Variants in CNTNAP4 observed in about 807,000 individuals in gnomAD.
CNTNAP4 encodes contactin associated protein family member 4, also known as contactin-associated protein-like 4.
In CNTNAP4, 98 loss-of-function variants were observed where a neutral mutation model predicts 148.4. That is an observed-to-expected ratio of 0.66 (90% CI 0.56 to 0.78). CNTNAP4 has a LOEUF of 0.78. Ranked by LOEUF, CNTNAP4 falls within the 30% of genes least tolerant of loss-of-function variation. The pLI is 0.00. For missense variants in CNTNAP4, 1,935 were observed against 1,565.6 expected (o/e 1.24, Z -3.98); for synonymous variants, 730 against 565.1 (o/e 1.29, Z -4.14).
chr16:76,532,948 A>C (rs1215267546), intron 17 of CNTNAP4, among the ~76,000 whole-genome samples: 1 of 152,140 alleles, frequency 6.6e-6, no homozygotes, highest in African/African-American at 2.4e-5. Context: ...AAAAACTACA[A>C]ATAGAACTAC....
intron 3 of CNTNAP4, among the ~76,000 whole-genome samples, chr16:76,366,752 A>G (rs1461636233): frequency 6.6e-6 from 1 of 152,208 alleles, no homozygotes; most frequent in African/African-American, 2.4e-5. Flanking sequence ...AACAGTGTAT[A>G]AGTAATCCAA....
intron 3 of CNTNAP4, among the ~76,000 whole-genome samples, chr16:76,416,666 G>A (rs567087258): frequency 6.6e-6 from 1 of 151,500 alleles, no homozygotes; most frequent in East Asian, 1.9e-4. Context: ...ATAATACATG[G>A]TGAATGTTCC....
chr16:76,432,859 T>C (rs1480932883), intron 4 of CNTNAP4, among the ~76,000 whole-genome samples: 1 of 152,170 alleles, frequency 6.6e-6, no homozygotes, highest in East Asian at 1.9e-4. Context: ...CAAGCCATAC[T>C]CAACTAATTT....
intron 3 of CNTNAP4, among the ~76,000 whole-genome samples, chr16:76,363,410 C>T (rs1334908643): frequency 1.3e-5 from 2 of 152,054 alleles, no homozygotes; most frequent in African/African-American, 4.8e-5. Flanking sequence ...AATCCACCCA[C>T]CTTGGCCTCC....
At chr16:76,285,196 G>T (rs1475893885) in intron 1 of CNTNAP4, among the ~76,000 whole-genome samples, 1 of 151,882 alleles carries the variant, frequency 6.6e-6, no homozygotes, top group African/African-American at 2.4e-5. Context: ...TTTCATTATG[G>T]TTCATGGAAA....
intron 7 of CNTNAP4, among the ~76,000 whole-genome samples, chr16:76,451,238 T>G (rs931311503): frequency 5.3e-5 from 8 of 152,222 alleles, no homozygotes; most frequent in African/African-American, 1.7e-4. Context: ...TGCTGGTGTT[T>G]TAATTCTAAC....
intron 3 of CNTNAP4, among the ~76,000 whole-genome samples, chr16:76,359,938 G>A (rs1017513330): frequency 6.6e-6 from 1 of 152,144 alleles, no homozygotes; most frequent in Non-Finnish European, 1.5e-5. Context: ...GAACTTTACA[G>A]GCAAATTCTC....
chr16:76,538,201 C>T lies in CNTNAP4; in HGVS notation c.3081C>T (p.His1027=), dbSNP rs531677228. ...TTTTAAGTAAAAACTCCAGCTCCCA[C>T]GCTGCTTCATTTCATGGTGATATGA... ...NYLLSKNSSS[H]AASFHGDMKL... Residue 1027 remains histidine, a synonymous_variant, in exon 19 of 24, where the codon CAC becomes CAT. Coordinates refer to ENST00000611870, the MANE Select transcript of CNTNAP4 (RefSeq NM_033401.5). 97 of 1,608,144 alleles carry T rather than the reference C, an allele frequency of 6.0e-5. No homozygotes were observed. Among genetic ancestry groups the T allele is most frequent in the South Asian group, 3.9e-4 (35 of 90,076 alleles).
chr16:76,418,596 C>T (rs2079072005), intron 3 of CNTNAP4, among the ~76,000 whole-genome samples: 1 of 151,566 alleles, frequency 6.6e-6, no homozygotes, highest in Non-Finnish European at 1.5e-5. Context: ...TCTGTTTTTG[C>T]ATGTTTTGAG....
At chr16:76,363,951 A>G (rs2013767421) in intron 3 of CNTNAP4, among the ~76,000 whole-genome samples, 1 of 152,010 alleles carries the variant, frequency 6.6e-6, no homozygotes, top group Non-Finnish European at 1.5e-5. Context: ...ACCTTAATAT[A>G]TAATATACAA....
intron 3 of CNTNAP4, among the ~76,000 whole-genome samples, chr16:76,419,865 A>C (rs890078044): frequency 3.3e-5 from 5 of 152,030 alleles, no homozygotes; most frequent in Non-Finnish European, 7.4e-5. Context: ...GTGAAGAAAA[A>C]GAAGTCTGAG....
rs1279091654 is a variant in CNTNAP4, at chr16:76,314,173, G to A, written c.86-2240G>A. 2.0e-5 allele frequency among the ~76,000 whole-genome samples: 3 copies of A among 152,288 alleles called. 1 individual carries two copies. The highest frequency in any genetic ancestry group is 2.0e-4 in the Admixed American group (3 of 15,302). ...TATACACATTGATACATATGTAAATGTATGTGCATGTGTAATATATTTTAT... is the reference window on the plus strand; with the variant it reads ...TATACACATTGATACATATGTAAATATATGTGCATGTGTAATATATTTTAT... On this transcript the variant is annotated intron_variant, in intron 1 of 23. Transcript: ENST00000611870.
At chr16:76,300,440 C>G (rs894729286) in intron 1 of CNTNAP4, among the ~76,000 whole-genome samples, 1 of 151,890 alleles carries the variant, frequency 6.6e-6, no homozygotes, top group Non-Finnish European at 1.5e-5. Flanking sequence ...AGGAGAAATA[C>G]CTAATGTAGA....
At chr16:76,525,399 T>TA (rs1364857349) in intron 17 of CNTNAP4, among the ~76,000 whole-genome samples, 2 of 149,580 alleles carry the variant, frequency 1.3e-5, no homozygotes, top group African/African-American at 2.4e-5. Context: ...GACAAGCAAT[T>TA]AAAAAAATCT....
intron 3 of CNTNAP4, among the ~76,000 whole-genome samples, chr16:76,400,937 G>A (rs1196459056): frequency 6.6e-6 from 1 of 152,150 alleles, no homozygotes; most frequent in Non-Finnish European, 1.5e-5. Flanking sequence ...TTTGGTTACT[G>A]TAGCACTGTA....
At chr16:76,358,546 G>A (rs796236643) in intron 3 of CNTNAP4, among the ~76,000 whole-genome samples, 3 of 152,256 alleles carry the variant, frequency 2.0e-5, no homozygotes, top group African/African-American at 7.2e-5. Context: ...TTAGATTATG[G>A]AAGGATTAAG....
chr16:76,386,821 A>G (rs2016554974), intron 3 of CNTNAP4, among the ~76,000 whole-genome samples: 1 of 152,196 alleles, frequency 6.6e-6, no homozygotes, highest in African/African-American at 2.4e-5. Flanking sequence ...CCTGGATTAC[A>G]CAGGTGGGCC....
chr16:76,440,199 T>G (rs962949379), intron 4 of CNTNAP4, among the ~76,000 whole-genome samples: 1 of 152,154 alleles, frequency 6.6e-6, no homozygotes, highest in Non-Finnish European at 1.5e-5. Flanking sequence ...GACAGGAACA[T>G]TCTAGTTCTA....
intron 3 of CNTNAP4, among the ~76,000 whole-genome samples, chr16:76,395,630 C>A (rs574315987): frequency 3.9e-5 from 6 of 152,110 alleles, no homozygotes; most frequent in African/African-American, 1.2e-4. Context: ...TAAGTATCTT[C>A]AGTAAAAATC....
Sources: gnomAD v4.1 joint callset for allele counts (sites outside exome capture counted in the v4.1 genomes callset) on GRCh38, gnomAD v4.1.1 for gene constraint, MANE v1.5 for transcripts, NCBI Gene and HGNC (gene_info 2026-07-23, HGNC 2026-07-21) for gene names.